Variants in ZFAND2A observed in about 807,000 individuals in gnomAD.
The protein encoded by ZFAND2A is AN1-type zinc finger protein 2A.
In ZFAND2A, 20 loss-of-function variants were observed where a neutral mutation model predicts 11.6. That is an observed-to-expected ratio of 1.72 (90% confidence interval 1.21 to 2.50). ZFAND2A has a LOEUF of 2.50. Ranked by LOEUF, ZFAND2A falls within the 30% of genes most tolerant of loss-of-function variation. ZFAND2A has a pLI of 0.00. For missense variants in ZFAND2A, 234 were observed against 182.9 expected (o/e 1.28, Z -1.61); for synonymous variants, 93 against 60.6 (o/e 1.54, Z -2.48).
intron 1 of ZFAND2A, 41 bp from the exon 2 acceptor site, chr7:1,158,298 C>T (rs1208681015): frequency 2.5e-6 from 3 of 1,221,248 alleles, no homozygotes; most frequent in Non-Finnish European, 3.6e-6. Flanking sequence ...AGCTGGACTG[C>T]CCTTCAGTCA....
At chr7:1,157,556 T>C (rs967682705) in intron 3 of ZFAND2A, 100 bp downstream of exon 3, 13 of 1,204,284 alleles carry the variant, frequency 1.1e-5, no homozygotes, top group African/African-American at 1.6e-5. Flanking sequence ...AATTTAATTT[T>C]CAATGAGTTA....
At chr7:1,151,126 G>A (rs1793389756), downstream of ZFAND2A, among the ~76,000 whole-genome samples, 1 of 152,092 alleles carries the variant, frequency 6.6e-6, no homozygotes, top group Non-Finnish European at 1.5e-5. Context: ...GACCTCAGGT[G>A]ATCCGCCTGC....
chr7:1,152,063 G>A (rs187985127), downstream of ZFAND2A: 2 of 625,924 alleles, frequency 3.2e-6, no homozygotes, highest in Non-Finnish European at 4.9e-6. Context: ...GCTGCCGAAA[G>A]GTTGTGCTGG....
At chr7:1,150,087 A>G (rs1303447751), downstream of ZFAND2A, among the ~76,000 whole-genome samples, 1 of 151,908 alleles carries the variant, frequency 6.6e-6, no homozygotes, top group Non-Finnish European at 1.5e-5. Context: ...TCCTCCAAAT[A>G]CCACAATGTA....
chr7:1,155,115 ACTGT>A (rs1793491221), intron 4 of ZFAND2A, among the ~76,000 whole-genome samples: 2 of 152,220 alleles, frequency 1.3e-5, no homozygotes, highest in Admixed American at 1.3e-4. Context: ...ACAGAGCAAG[ACTGT>A]CTCAAAACAA....
At chr7:1,151,170 G>A (rs1793390710), downstream of ZFAND2A, among the ~76,000 whole-genome samples, 1 of 152,182 alleles carries the variant, frequency 6.6e-6, no homozygotes, top group Non-Finnish European at 1.5e-5. Flanking sequence ...TTACAAGCGT[G>A]AGCCACTGCG....
chr7:1,157,501 A>G, intron 3 of ZFAND2A, 155 bp downstream of exon 3: 1 of 667,056 alleles, frequency 1.5e-6, no homozygotes, highest in Non-Finnish European at 2.5e-6. Flanking sequence ...GCCTAACAGC[A>G]GGCACCTGAA....
intron 3 of ZFAND2A, 55 bp downstream of exon 3, chr7:1,157,601 A>C (rs1035988253): frequency 6.6e-6 from 10 of 1,507,918 alleles, no homozygotes. Flanking sequence ...TACCAGCAAG[A>C]CAGTGCAGCT....
intron 4 of ZFAND2A, among the ~76,000 whole-genome samples, chr7:1,155,119 T>C (rs552351375): frequency 2.6e-4 from 40 of 151,926 alleles, no homozygotes; most frequent in African/African-American, 9.2e-4. Context: ...AGCAAGACTG[T>C]CTCAAAACAA....
At chr7:1,151,018 G>A (rs942870253), downstream of ZFAND2A, among the ~76,000 whole-genome samples, 3 of 151,836 alleles carry the variant, frequency 2.0e-5, no homozygotes, top group African/African-American at 7.3e-5. Flanking sequence ...CTCCTGAGTA[G>A]CTAGGATTAC....
rs370623039 is a variant in ZFAND2A, at chr7:1,156,784, G to A, written c.150+872C>T. On this transcript the variant is annotated intron_variant, in intron 3 of 4. Coordinates refer to ENST00000316495, the MANE Select transcript of ZFAND2A (RefSeq NM_182491.4). ...CACAGGTGGTGGTGCTTCCTCATTT[G>A]GTCAAATGAAATAAAGTATTAGTAA... Among the ~76,000 whole-genome samples the A allele has an allele frequency of 2.0e-5, 3 of 152,350 alleles. No individual in the cohort carries two copies. In the East Asian group the frequency reaches 5.8e-4, roughly 29 times the overall value.
At chr7:1,149,857 T>G (rs1328656631), downstream of ZFAND2A, among the ~76,000 whole-genome samples, 4 of 150,978 alleles carry the variant, frequency 2.6e-5, no homozygotes, top group African/African-American at 4.8e-5. Flanking sequence ...TCTTAAGTTT[T>G]TTTTTTTTTT....
intron 4 of ZFAND2A, among the ~76,000 whole-genome samples, chr7:1,154,480 C>T (rs1422976305): frequency 2.0e-5 from 3 of 152,116 alleles, no homozygotes; most frequent in Non-Finnish European, 4.4e-5. Flanking sequence ...GGGTGAGCCC[C>T]CAGCAAGGGA....
chr7:1,158,842 G>A (rs763093559), intron 1 of ZFAND2A, among the ~76,000 whole-genome samples: 20 of 152,096 alleles, frequency 1.3e-4, no homozygotes, highest in Non-Finnish European at 2.5e-4. Context: ...AGAATCAAGG[G>A]GCTCACGAGG....
rs1793645932 is a variant in ZFAND2A at position 1,159,946 on chromosome 7, G to A, written c.-46+18C>T. ...CCGACCCCCGGCAGACCCTGTCTGC[G>A]CAATCCCGGCCCCGTACCTGGCTCT... On this transcript the variant is annotated intron_variant, in intron 1 of 4. Transcript: ENST00000316495. The A allele has an allele frequency of 6.1e-6, 1 of 163,022 alleles. No homozygotes were observed. Among genetic ancestry groups the A allele is most frequent in the Non-Finnish European group, 1.4e-5 (1 of 73,542 alleles). The allele number at this position is 163,022 out of a possible 1,614,324, so 10.1% of individuals were successfully genotyped here.
chr7:1,149,749 C>A (rs1793363887), downstream of ZFAND2A, among the ~76,000 whole-genome samples: 1 of 152,174 alleles, frequency 6.6e-6, no homozygotes, highest in Non-Finnish European at 1.5e-5. Flanking sequence ...CGGCACGGCG[C>A]TGCGTGTTTG....
At position 1,157,725 on chromosome 7, in the gene ZFAND2A, T is replaced by C; in HGVS notation, c.81A>G (p.Ala27=). The change falls in exon 3 of 5, where the codon GCA becomes GCG. Residue 27 remains alanine (A), a synonymous_variant. Coordinates refer to ENST00000316495, the MANE Select transcript of ZFAND2A (RefSeq NM_182491.4). ...GATCTTTACAGAAATCTTGTTTACA[T>C]GCATCACATTTTACTGGAAGAAAAT... ...QLDFLPVKCD[A]CKQDFCKDHF... 6.4e-7 allele frequency: 1 copy of C among 1,559,124 alleles called. No individual in the cohort carries two copies.
chr7:1,150,457 C>A (rs981950166), downstream of ZFAND2A, among the ~76,000 whole-genome samples: 1 of 152,174 alleles, frequency 6.6e-6, no homozygotes, highest in Admixed American at 6.6e-5. Flanking sequence ...TTCCCTGACA[C>A]CCCCTAAGTT....
downstream of ZFAND2A, chr7:1,152,456 G>C: frequency 2.3e-6 from 3 of 1,306,334 alleles, no homozygotes; most frequent in African/African-American, 1.5e-5. Flanking sequence ...ATGGACGCCA[G>C]ACACCACCAG....
Sources: gnomAD v4.1 joint callset for allele counts (sites outside exome capture counted in the v4.1 genomes callset) on GRCh38, gnomAD v4.1.1 for gene constraint, MANE v1.5 for transcripts, NCBI Gene and HGNC (gene_info 2026-07-23, HGNC 2026-07-21) for gene names.